Variants in MAGI2 observed in about 807,000 individuals in gnomAD.
MAGI2 encodes membrane associated guanylate kinase, WW and PDZ domain containing 2, also known as membrane-associated guanylate kinase, WW and PDZ domain-containing protein 2.
In MAGI2, 35 loss-of-function variants were observed where a neutral mutation model predicts 133.3. That is an observed-to-expected ratio of 0.26 (90% CI 0.20 to 0.35). The LOEUF is 0.35. Ranked by LOEUF, MAGI2 falls within the 10% of genes least tolerant of loss-of-function variation. The probability of loss-of-function intolerance (pLI) is 1.00; values close to 1 mark genes in which losing one functional copy is unlikely to be tolerated. For synonymous variants in MAGI2, 729 were observed against 710.6 expected, an observed-to-expected ratio of 1.03 and a Z score of -0.41; for missense variants, 1,636 against 1,863.4, an observed-to-expected ratio of 0.88 and a Z score of 2.25.
chr7:78,807,664 G>T (rs566597721), intron 2 of MAGI2, among the ~76,000 whole-genome samples: 75 of 152,174 alleles, frequency 4.9e-4, no homozygotes, highest in Non-Finnish European at 9.6e-4. Flanking sequence ...TGCCCTTAAG[G>T]CACTGAGGGT....
At chr7:79,019,616 C>T (rs528731595) in intron 1 of MAGI2, among the ~76,000 whole-genome samples, 33 of 151,866 alleles carry the variant, frequency 2.2e-4, no homozygotes, top group African/African-American at 7.5e-4. Flanking sequence ...GTGATCTCAG[C>T]TCGCTTCCAC....
chr7:79,450,964 G>C (rs1849199416), intron 1 of MAGI2, among the ~76,000 whole-genome samples: 2 of 152,178 alleles, frequency 1.3e-5, no homozygotes, highest in South Asian at 4.1e-4. Context: ...TCACAGGATA[G>C]TCAGAATTCC....
At chr7:78,839,900 G>A (rs181248465) in intron 2 of MAGI2, among the ~76,000 whole-genome samples, 1 of 152,116 alleles carries the variant, frequency 6.6e-6, no homozygotes, top group Non-Finnish European at 1.5e-5. Flanking sequence ...TAGTGCTCTA[G>A]TTTATGCCAT....
chr7:78,651,529 G>GA (rs1375817055), intron 2 of MAGI2, among the ~76,000 whole-genome samples: 1 of 151,880 alleles, frequency 6.6e-6, no homozygotes, highest in Non-Finnish European at 1.5e-5. Flanking sequence ...ATGAAGTAGA[G>GA]AACTCATAAA....
At chr7:79,071,010 G>A (rs751413714) in intron 1 of MAGI2, among the ~76,000 whole-genome samples, 2 of 152,108 alleles carry the variant, frequency 1.3e-5, no homozygotes, top group Non-Finnish European at 1.5e-5. Context: ...GTGATCCTTC[G>A]AAGGAGAAGA....
intron 2 of MAGI2, among the ~76,000 whole-genome samples, chr7:78,889,706 C>A (rs1231595907): frequency 6.6e-6 from 1 of 152,128 alleles, no homozygotes; most frequent in Non-Finnish European, 1.5e-5. Flanking sequence ...CCAGGCCTGC[C>A]CTAAAAGACC....
At chr7:78,491,917 G>A (rs1793657364) in intron 5 of MAGI2, among the ~76,000 whole-genome samples, 1 of 134,314 alleles carries the variant, frequency 7.4e-6, no homozygotes, top group African/African-American at 2.9e-5. Flanking sequence ...GTGTGTGTGT[G>A]TGTTGATGTC....
chr7:78,549,626 G>A (rs987181396), intron 3 of MAGI2, among the ~76,000 whole-genome samples: 1 of 152,028 alleles, frequency 6.6e-6, no homozygotes, highest in Non-Finnish European at 1.5e-5. Flanking sequence ...TTGACTATAG[G>A]TGTGTTCCTG....
At chr7:79,307,409 C>T (rs1018936551) in intron 1 of MAGI2, among the ~76,000 whole-genome samples, 2 of 152,006 alleles carry the variant, frequency 1.3e-5, no homozygotes, top group Non-Finnish European at 2.9e-5. Flanking sequence ...TAAAGAATTA[C>T]GATATGGATT....
At chr7:79,225,895 C>A (rs1368384171) in intron 1 of MAGI2, among the ~76,000 whole-genome samples, 1 of 152,096 alleles carries the variant, frequency 6.6e-6, no homozygotes, top group Non-Finnish European at 1.5e-5. Flanking sequence ...TGATGCAGAG[C>A]TGTTGGGAAA....
intron 2 of MAGI2, among the ~76,000 whole-genome samples, chr7:78,966,923 T>G (rs1358657595): frequency 2.0e-5 from 3 of 151,450 alleles, no homozygotes; most frequent in Non-Finnish European, 4.4e-5. Context: ...TGGCCACTAG[T>G]ATGTCTCTTT....
chr7:78,840,265 T>TAACTTAACTTAACTTAACTTAACTATA (rs1792015215), intron 2 of MAGI2, among the ~76,000 whole-genome samples: 1 of 152,104 alleles, frequency 6.6e-6, no homozygotes, highest in Non-Finnish European at 1.5e-5. Context: ...TTTTGGAACT[T>TAACTTAACTTAACTTAACTTAACTATA]TAGTTAGTTA....
intron 1 of MAGI2, among the ~76,000 whole-genome samples, chr7:79,154,206 T>C (rs547706621): frequency 6.6e-6 from 1 of 152,332 alleles, no homozygotes; most frequent in Admixed American, 6.5e-5. Flanking sequence ...TTTCTATTTG[T>C]ACCTTTCAAA....
chr7:78,599,168 G>A (rs896771326), intron 3 of MAGI2, among the ~76,000 whole-genome samples: 2 of 152,068 alleles, frequency 1.3e-5, no homozygotes, highest in Non-Finnish European at 2.9e-5. Context: ...AGAAATTAAC[G>A]AATCATATGG....
chr7:78,765,419 GC>G (rs1824926212), intron 2 of MAGI2, among the ~76,000 whole-genome samples: 1 of 125,838 alleles, frequency 7.9e-6, no homozygotes, highest in African/African-American at 3.1e-5. Context: ...TGCAATCTTG[GC>G]TCACTGCAAC....
chr7:79,246,391 G>T (rs1178923348), intron 1 of MAGI2, among the ~76,000 whole-genome samples: 1 of 151,950 alleles, frequency 6.6e-6, no homozygotes, highest in Non-Finnish European at 1.5e-5. Flanking sequence ...GGAAACTTGA[G>T]AAAACTCAAG....
rs919759366 is a variant in MAGI2 at position 78,017,640 on chromosome 7, G to C, written c.*1675C>G. ...TGAATGGGTTTCATTTTTGGAAATT[G>C]CTTTTACAAGCTGCAAGATCCTTCA... On this transcript the variant is annotated 3_prime_UTR_variant, in exon 22 of 22. Transcript: ENST00000354212. 3 of 152,620 alleles carry C rather than the reference G, an allele frequency of 2.0e-5. No homozygotes were observed. Among genetic ancestry groups the C allele is most frequent in the African/African-American group, 7.2e-5 (3 of 41,456 alleles). The allele number at this position is 152,620 out of a possible 1,614,324, so 9.5% of individuals were successfully genotyped here. A position where few individuals can be genotyped will look rare whatever the true frequency, so the allele number is the denominator to read the frequency against.
chr7:78,503,014 G>A (rs1794755779), intron 4 of MAGI2, among the ~76,000 whole-genome samples: 1 of 151,994 alleles, frequency 6.6e-6, no homozygotes, highest in Non-Finnish European at 1.5e-5. Context: ...ATGTTAAAAG[G>A]CAACTTTAGC....
At chr7:78,635,909 A>G (rs916610536) in intron 2 of MAGI2, among the ~76,000 whole-genome samples, 1 of 152,234 alleles carries the variant, frequency 6.6e-6, no homozygotes, top group South Asian at 2.1e-4. Flanking sequence ...TTTCAATCAC[A>G]TAAAATCCCA....
Sources: gnomAD v4.1 joint callset for allele counts (sites outside exome capture counted in the v4.1 genomes callset) on GRCh38, gnomAD v4.1.1 for gene constraint, MANE v1.5 for transcripts, NCBI Gene and HGNC (gene_info 2026-07-23, HGNC 2026-07-21) for gene names.